The following AOAH variants were observed in gnomAD, a reference collection of about 807,000 sequenced individuals.
AOAH encodes the protein acyloxyacyl hydrolase.
A neutral mutation model predicts 92.2 loss-of-function variants in AOAH; 64 were observed. That is an observed-to-expected ratio of 0.69 (90% CI 0.57 to 0.86). The LOEUF (loss-of-function observed/expected upper bound fraction) is 0.86, where lower values mean the gene tolerates loss of function less well. Among genes scored for constraint, AOAH ranks in the 40% least tolerant of loss-of-function variants. AOAH has a pLI of 0.00. For missense variants in AOAH, 656 were observed against 694.6 expected, an observed-to-expected ratio of 0.94 and a Z score of 0.62; for synonymous variants, 263 against 254.5, an observed-to-expected ratio of 1.03 and a Z score of -0.32.
intron 20 of AOAH, among the ~76,000 whole-genome samples, chr7:36,519,836 G>A (rs1182088809): frequency 6.6e-6 from 1 of 152,184 alleles, no homozygotes; most frequent in African/African-American, 2.4e-5. Flanking sequence ...TTAATTGTCT[G>A]TTTACTCATC....
chr7:36,596,421 C>A (rs1790128278), intron 11 of AOAH, among the ~76,000 whole-genome samples: 1 of 151,998 alleles, frequency 6.6e-6, no homozygotes, highest in Admixed American at 6.6e-5. Flanking sequence ...AAGTCTTAAC[C>A]CCACCTCAGA....
chr7:36,627,952 C>T (rs1469077001), intron 6 of AOAH, among the ~76,000 whole-genome samples: 2 of 152,130 alleles, frequency 1.3e-5, no homozygotes, highest in Non-Finnish European at 2.9e-5. Context: ...GAGAATGAAT[C>T]TCCATGTGTG....
At chr7:36,521,896 TCTATC>T (rs1784124148) in intron 20 of AOAH, 138 bp downstream of exon 20, 1 of 632,552 alleles carries the variant, frequency 1.6e-6, no homozygotes. Flanking sequence ...TATTAAATCT[TCTATC>T]CTATACATGT....
chr7:36,533,885 T>C (rs1294275124), intron 16 of AOAH, among the ~76,000 whole-genome samples: 1 of 152,188 alleles, frequency 6.6e-6, no homozygotes, highest in Non-Finnish European at 1.5e-5. Context: ...GAGGGCCCAG[T>C]GTCTGGCTGC....
intron 15 of AOAH, among the ~76,000 whole-genome samples, chr7:36,540,933 T>C (rs1785385285): frequency 6.6e-6 from 1 of 152,236 alleles, no homozygotes; most frequent in Non-Finnish European, 1.5e-5. Context: ...TTAGGGGCTG[T>C]TTGTTCCTTT....
chr7:36,676,607 T>G (rs1796270821), intron 2 of AOAH, among the ~76,000 whole-genome samples: 1 of 152,144 alleles, frequency 6.6e-6, no homozygotes, highest in Non-Finnish European at 1.5e-5. Context: ...GAGCAGCAGA[T>G]CCTAACATTC....
chr7:36,663,070 C>T (rs1258797483), intron 3 of AOAH, among the ~76,000 whole-genome samples: 1 of 148,572 alleles, frequency 6.7e-6, no homozygotes. Flanking sequence ...AAGCAGTCTG[C>T]AAACTCATAG....
chr7:36,630,358 A>AAAG (rs1474149698), intron 6 of AOAH, among the ~76,000 whole-genome samples: 1 of 152,224 alleles, frequency 6.6e-6, no homozygotes, highest in African/African-American at 2.4e-5. Context: ...AGCACAGGCT[A>AAAG]AAGTAATAGG....
intron 1 of AOAH, among the ~76,000 whole-genome samples, chr7:36,716,858 G>T (rs1269963989): frequency 6.6e-6 from 1 of 151,936 alleles, no homozygotes. Flanking sequence ...AGCATTAGGA[G>T]ATATACCTAA....
chr7:36,663,327 G>A (rs1795329842), intron 3 of AOAH, among the ~76,000 whole-genome samples: 1 of 152,128 alleles, frequency 6.6e-6, no homozygotes, highest in Non-Finnish European at 1.5e-5. Context: ...ATCGTCCAAA[G>A]TGTTTAGTTC....
At chr7:36,635,261 A>C (rs1793437130) in intron 5 of AOAH, among the ~76,000 whole-genome samples, 1 of 152,188 alleles carries the variant, frequency 6.6e-6, no homozygotes, top group African/African-American at 2.4e-5. Flanking sequence ...GTCCCTGGGG[A>C]CAGGAGTCAT....
chr7:36,604,077 G>T (rs914698609), intron 11 of AOAH, among the ~76,000 whole-genome samples: 6 of 152,174 alleles, frequency 3.9e-5, no homozygotes, highest in Non-Finnish European at 7.3e-5. Flanking sequence ...CTTGTTGCTG[G>T]ATTCTCACAT....
At chr7:36,521,909 T>C in intron 20 of AOAH, 130 bp downstream of exon 20, 1 of 737,162 alleles carries the variant, frequency 1.4e-6, no homozygotes, top group Admixed American at 2.2e-5. Flanking sequence ...ATCCTATACA[T>C]GTATGTACAC....
chr7:36,711,873 A>G (rs1051854267), intron 1 of AOAH, among the ~76,000 whole-genome samples: 2 of 152,128 alleles, frequency 1.3e-5, no homozygotes, highest in African/African-American at 4.8e-5. Flanking sequence ...GAGGACAGAG[A>G]CCACCTCCAA....
chr7:36,579,309 A>G (rs747009939), intron 12 of AOAH, among the ~76,000 whole-genome samples: 26 of 152,066 alleles, frequency 1.7e-4, no homozygotes, highest in Admixed American at 2.6e-4. Flanking sequence ...TCACTGAGTA[A>G]CCATAATTTC....
chr7:36,661,524 C>G (rs2116548151), intron 3 of AOAH, among the ~76,000 whole-genome samples: 1 of 152,306 alleles, frequency 6.6e-6, no homozygotes, highest in Admixed American at 6.5e-5. Flanking sequence ...GTCCCCTGAT[C>G]TGTGTGCCCT....
intron 18 of AOAH, among the ~76,000 whole-genome samples, chr7:36,531,860 GTGTA>G (rs757369604): frequency 7.1e-6 from 1 of 141,662 alleles, no homozygotes; most frequent in Non-Finnish European, 1.6e-5. Flanking sequence ...GTGTGTGTGT[GTGTA>G]TGTGTGCGTG....
At chr7:36,518,271 G>A (rs890736530) in intron 20 of AOAH, among the ~76,000 whole-genome samples, 5 of 151,954 alleles carry the variant, frequency 3.3e-5, no homozygotes, top group African/African-American at 1.2e-4. Flanking sequence ...ATGCAGTGAC[G>A]CAATCTTGGC....
rs1050219811 is a variant in AOAH, at chr7:36,512,946, T to C, written c.*306A>G. On this transcript the variant is annotated 3_prime_UTR_variant, in exon 21 of 21. Coordinates refer to ENST00000617537, the MANE Select transcript of AOAH (RefSeq NM_001637.4). ...CTGAACATCGCTGGACTTAAGTGTT[T>C]TTAGAAACTCCTTTTAGAACAATTA... The C allele has an allele frequency of 8.4e-7, 1 of 1,185,634 alleles. No homozygotes were observed. The highest frequency in any genetic ancestry group is 1.2e-6 in the Non-Finnish European group (1 of 855,998). The allele number at this position is 1,185,634 out of a possible 1,614,324, so 73.4% of individuals were successfully genotyped here. A position where few individuals can be genotyped will look rare whatever the true frequency, so the allele number is the denominator to read the frequency against.
Sources: allele counts gnomAD v4.1 joint callset (sites outside exome capture counted in the v4.1 genomes callset), GRCh38; gene constraint gnomAD v4.1.1; transcripts MANE v1.5; gene names NCBI Gene and HGNC (gene_info 2026-07-23, HGNC 2026-07-21).